Variants in NCK2 observed in about 807,000 individuals in gnomAD.
NCK2 encodes the protein NCK adaptor protein 2.
Under a neutral mutation model 33.9 loss-of-function variants are expected in NCK2, and 16 were observed. The ratio of observed to expected loss-of-function variants is 0.47; its 90% CI spans 0.32 to 0.72. NCK2 has a LOEUF of 0.72. Ranked by LOEUF, NCK2 falls within the 30% of genes least tolerant of loss-of-function variation. The pLI, the probability that NCK2 is intolerant of heterozygous loss-of-function variation, is 0.03. For missense variants in NCK2, 418 were observed against 537.3 expected (o/e 0.78, Z 2.19); for synonymous variants, 273 against 239.9 (o/e 1.14, Z -1.27).
intron 1 of NCK2, among the ~76,000 whole-genome samples, chr2:105,764,890 G>A (rs544819187): frequency 1.1e-4 from 17 of 151,784 alleles, no homozygotes; most frequent in Non-Finnish European, 2.4e-4. Flanking sequence ...TCCATGTTGT[G>A]TGATATCCCA....
intron 2 of NCK2, among the ~76,000 whole-genome samples, chr2:105,839,351 T>G (rs148428268): frequency 9.9e-5 from 15 of 152,220 alleles, no homozygotes; most frequent in Middle Eastern, 3.4e-3. Context: ...ACAGAGAGAC[T>G]GGTAGACTGG....
At chr2:105,810,098 C>T (rs868691342) in intron 1 of NCK2, among the ~76,000 whole-genome samples, 1 of 152,138 alleles carries the variant, frequency 6.6e-6, no homozygotes, top group African/African-American at 2.4e-5. Flanking sequence ...TGGGCCTCAG[C>T]TTAGCAGAGG....
intron 2 of NCK2, chr2:105,846,603 T>C (rs969144859): frequency 6.6e-6 from 1 of 152,184 alleles, no homozygotes; most frequent in Non-Finnish European, 1.5e-5. Context: ...GCAGTACAAA[T>C]ACTGTTCAGT....
intron 1 of NCK2, among the ~76,000 whole-genome samples, chr2:105,815,296 T>C (rs1675439173): frequency 6.6e-6 from 1 of 152,252 alleles, no homozygotes; most frequent in African/African-American, 2.4e-5. Flanking sequence ...TCAAAATTTA[T>C]GAACTTGCCT....
intron 1 of NCK2, among the ~76,000 whole-genome samples, chr2:105,760,372 C>G (rs573849092): frequency 4.6e-4 from 70 of 152,268 alleles, no homozygotes; most frequent in Middle Eastern, 3.4e-3. Context: ...ATAGGTTGGT[C>G]TGGAATTCTT....
At chr2:105,776,206 C>T (rs1248099680) in intron 1 of NCK2, among the ~76,000 whole-genome samples, 1 of 152,210 alleles carries the variant, frequency 6.6e-6, no homozygotes, top group Non-Finnish European at 1.5e-5. Context: ...GCTACAGTGT[C>T]CTGGGTGGGG....
At chr2:105,793,532 A>G (rs1448639125) in intron 1 of NCK2, among the ~76,000 whole-genome samples, 2 of 152,264 alleles carry the variant, frequency 1.3e-5, no homozygotes, top group Non-Finnish European at 2.9e-5. Flanking sequence ...TGCACTGGCT[A>G]ACAAGTTTAT....
intron 1 of NCK2, among the ~76,000 whole-genome samples, chr2:105,813,324 T>C (rs1675361010): frequency 6.6e-6 from 1 of 152,192 alleles, no homozygotes; most frequent in Non-Finnish European, 1.5e-5. Flanking sequence ...GACTTTAGTC[T>C]CTTGGTGACT....
chr2:105,827,051 G>C (rs979741426), intron 2 of NCK2, among the ~76,000 whole-genome samples: 4 of 151,874 alleles, frequency 2.6e-5, no homozygotes, highest in African/African-American at 9.7e-5. Context: ...CCAGGCTGGA[G>C]TGCAGTGGCA....
chr2:105,785,736 G>A (rs1290444134), intron 1 of NCK2, among the ~76,000 whole-genome samples: 15 of 152,218 alleles, frequency 9.9e-5, no homozygotes, highest in Admixed American at 9.2e-4. Context: ...TTTATAAGCC[G>A]AAGCTTGGGA....
intron 1 of NCK2, among the ~76,000 whole-genome samples, chr2:105,752,813 A>G (rs1689493699): frequency 6.6e-6 from 1 of 152,198 alleles, no homozygotes; most frequent in Admixed American, 6.5e-5. Flanking sequence ...TTCTTTATCC[A>G]GTCATCTGTA....
chr2:105,892,845 CAAAAAA>C, intron 4 of NCK2, 131 bp from the exon 5 acceptor site: 1 of 470,022 alleles, frequency 2.1e-6, no homozygotes, highest in Non-Finnish European at 3.5e-6. Context: ...AACTCCATCT[CAAAAAA>C]AAAAAAAAAA....
rs146828302 is a variant in NCK2 at position 105,827,290 on chromosome 2, C to T, written c.-17+10677C>T. ...CTGGGTTTACAGGCGTGAGCCACCG[C>T]GCCTGGCTGACATAGCATTCTTAAG... is the stretch of plus-strand genomic sequence containing the variant. On this transcript the variant is annotated intron_variant, in intron 2 of 4. Coordinates refer to ENST00000233154, the MANE Select transcript of NCK2 (RefSeq NM_003581.5). Among the ~76,000 whole-genome samples the T allele has an allele frequency of 6.1e-3, 923 of 152,288 alleles. 11 individuals carry two copies. Among genetic ancestry groups the T allele is most frequent in the African/African-American group, 0.021 (873 of 41,558 alleles).
chr2:105,820,714 C>T (rs1451402593), intron 2 of NCK2, among the ~76,000 whole-genome samples: 1 of 152,152 alleles, frequency 6.6e-6, no homozygotes, highest in Admixed American at 6.5e-5. Context: ...TGGAGGCTGG[C>T]CATTACTAGG....
intron 1 of NCK2, among the ~76,000 whole-genome samples, chr2:105,765,377 T>G (rs1689903938): frequency 6.6e-6 from 1 of 152,238 alleles, no homozygotes; most frequent in Admixed American, 6.5e-5. Context: ...TTTCAGGGAC[T>G]CTGCCAGTAG....
In NCK2 at chr2:105,881,662, G is replaced by A. The variant is rs748435528; in HGVS notation, c.561G>A (p.Ser187=). The change falls in exon 4 of 5, where the codon TCG becomes TCA. Residue 187 remains serine, a synonymous_variant. Coordinates refer to ENST00000233154, the MANE Select transcript of NCK2 (RefSeq NM_003581.5). ...TCCTGAGCCTGCGCAAGGGCGCCTC[G>A]CTGAGCAATGGCCAGGGCTCCCGCG... ...PSFLSLRKGA[S]LSNGQGSRVL... is the part of the protein sequence containing the mutation. 2.5e-6 allele frequency: 4 copies of A among 1,613,168 alleles called. No homozygotes were observed. The highest frequency in any genetic ancestry group is 1.7e-5 in the Admixed American group (1 of 59,998).
intron 3 of NCK2, among the ~76,000 whole-genome samples, chr2:105,858,743 A>G (rs1677390759): frequency 6.6e-6 from 1 of 152,222 alleles, no homozygotes; most frequent in South Asian, 2.1e-4. Context: ...GTACTTTGTT[A>G]AGAGTAGCTT....
intron 1 of NCK2, among the ~76,000 whole-genome samples, chr2:105,816,217 G>A (rs1350179930): frequency 6.6e-6 from 1 of 152,154 alleles, no homozygotes; most frequent in African/African-American, 2.4e-5. Flanking sequence ...TAGGCAGGAG[G>A]ATCACTTGAG....
At chr2:105,784,099 G>A (rs553026338) in intron 1 of NCK2, among the ~76,000 whole-genome samples, 2 of 152,252 alleles carry the variant, frequency 1.3e-5, no homozygotes, top group South Asian at 2.1e-4. Context: ...TCAGGAAAGC[G>A]TCACTGGGAG....
Sources: allele counts gnomAD v4.1 joint callset (sites outside exome capture counted in the v4.1 genomes callset), GRCh38; gene constraint gnomAD v4.1.1; transcripts MANE v1.5; gene names NCBI Gene and HGNC (gene_info 2026-07-23, HGNC 2026-07-21).